The following EPB41L4A variants were observed in gnomAD, a reference collection of about 807,000 sequenced individuals.
EPB41L4A encodes the protein erythrocyte membrane protein band 4.1 like 4A.
Under a neutral mutation model 108.6 loss-of-function variants are expected in EPB41L4A, and 100 were observed. The ratio of observed to expected loss-of-function variants is 0.92; its 90% confidence interval spans 0.78 to 1.09. The LOEUF (loss-of-function observed/expected upper bound fraction) is 1.09. Ranked by LOEUF, EPB41L4A falls within the 50% of genes least tolerant of loss-of-function variation. EPB41L4A has a pLI of 0.00. For synonymous variants in EPB41L4A, 319 were observed against 289.0 expected, an observed-to-expected ratio of 1.10 and a Z score of -1.05; for missense variants, 1,030 against 842.7, an observed-to-expected ratio of 1.22 and a Z score of -2.75.
chr5:112,275,175 T>C (rs1752538863), intron 4 of EPB41L4A, 151 bp downstream of exon 4: 4 of 950,410 alleles, frequency 4.2e-6, no homozygotes, highest in Non-Finnish European at 6.0e-6. Context: ...CTTCATGCAA[T>C]GCTAGTTTAA....
Position 112,209,940 on chromosome 5 carries a change from C to T in EPB41L4A, c.1130G>A (p.Gly377Glu), listed in dbSNP as rs779480069. The change falls in exon 13 of 23, where the codon GGA becomes GAA. Residue 377 changes from glycine to glutamate, a missense_variant. Physicochemically the swap from Gly to Glu is moderately conservative, Grantham distance 98. Transcript: ENST00000261486. ...AATTTTAATTGTTCCTTCATTTTCT[C>T]CATTTTCCATGTTTGCAGTTATCCT... The part of the protein sequence containing the change: ...ISRITANMEN[G>E]ENEGTIKIIA... The T allele has an allele frequency of 1.2e-6, 2 of 1,608,400 alleles. No individual in the cohort carries two copies. The highest frequency in any genetic ancestry group is 1.7e-5 in the Admixed American group (1 of 59,672).
chr5:112,264,693 A>C lies in EPB41L4A; in HGVS notation c.554+203T>G. The C allele has an allele frequency of 2.3e-6, 1 of 425,552 alleles. No individual in the cohort carries two copies. 26.4% of individuals were successfully genotyped at this position (425,552 alleles called of 1,614,324 possible). ...AAAAATGGTAACTTTACATATTGAA[A>C]TTACTTTCTCCTTTACACTTTTTAA... On this transcript the variant is annotated intron_variant, in intron 6 of 22. Transcript: ENST00000261486.
Position 112,170,322 on chromosome 5 carries a change from T to C in EPB41L4A, c.1718A>G (p.Glu573Gly). ...PSGLSEEQLK[E>G]IPYTKIETQG... ...TCACTCTATTTTAGTGTATGGAATC[T>C]CTTTTAATTGTTCTTCGGACAATCC... The change falls in exon 20 of 23, where the codon GAG (glutamate) becomes GGG (glycine). Residue 573 changes from glutamate (E) to glycine (G), a missense_variant. Transcript: ENST00000261486. 6.2e-7 allele frequency: 1 copy of C among 1,613,398 alleles called. No homozygotes were observed. Among genetic ancestry groups the C allele is most frequent in the Non-Finnish European group, 8.5e-7 (1 of 1,179,704 alleles).
chr5:112,351,418 G>A lies in EPB41L4A; in HGVS notation c.100-43928C>T, dbSNP rs557103520. ...GTACAACCCCCCAAGACTGACGTACGAAGAAATAAGAACTTGAACAGACTA... is the reference window on the plus strand; with the variant it reads ...GTACAACCCCCCAAGACTGACGTACAAAGAAATAAGAACTTGAACAGACTA... On this transcript the variant is annotated intron_variant, in intron 1 of 22. Coordinates refer to ENST00000261486, the MANE Select transcript of EPB41L4A (RefSeq NM_022140.5). Among the ~76,000 whole-genome samples the A allele has an allele frequency of 3.9e-5, 6 of 152,236 alleles. No individual in the cohort carries two copies. In the South Asian group the frequency reaches 1.2e-3, roughly 32 times the overall value.
intron 1 of EPB41L4A, among the ~76,000 whole-genome samples, chr5:112,352,201 T>C (rs1311940748): frequency 1.3e-5 from 2 of 152,272 alleles, no homozygotes; most frequent in Non-Finnish European, 2.9e-5. Context: ...TTCTAGTTCC[T>C]TGAAATACAT....
intron 12 of EPB41L4A, among the ~76,000 whole-genome samples, chr5:112,229,531 C>T (rs1276951509): frequency 1.3e-5 from 2 of 151,894 alleles, no homozygotes; most frequent in Non-Finnish European, 2.9e-5. Flanking sequence ...GTACACTGTA[C>T]CCAATGTGTA....
At chr5:112,323,986 C>G (rs142517701) in intron 1 of EPB41L4A, among the ~76,000 whole-genome samples, 1 of 152,182 alleles carries the variant, frequency 6.6e-6, no homozygotes, top group Non-Finnish European at 1.5e-5. Flanking sequence ...AGCAAAAGGC[C>G]TTTTTTCAAC....
rs527477834 is a variant in EPB41L4A, at chr5:112,346,093, C to A, written c.100-38603G>T. Among the ~76,000 whole-genome samples, 3 of 151,950 alleles carry A rather than the reference C, an allele frequency of 2.0e-5. No individual in the cohort carries two copies. In the South Asian group the frequency reaches 6.2e-4, roughly 32 times the overall value. ...GCCACACACTCCACAATTATTTTTG[C>A]TGTTTCCAAGACTGCCATCGTTTTG... On this transcript the variant is annotated intron_variant, in intron 1 of 22. Coordinates refer to ENST00000261486, the MANE Select transcript of EPB41L4A (RefSeq NM_022140.5).
At chr5:112,398,388 T>G (rs1485178709) in intron 1 of EPB41L4A, among the ~76,000 whole-genome samples, 1 of 152,096 alleles carries the variant, frequency 6.6e-6, no homozygotes, top group African/African-American at 2.4e-5. Context: ...TGGGGTTTTT[T>G]TTGTTTGTTT....
At chr5:112,419,653 G>C (rs1184422690), upstream of EPB41L4A, 2 of 456,378 alleles carry the variant, frequency 4.4e-6, no homozygotes, top group Non-Finnish European at 8.8e-6. Context: ...CCCGACCATG[G>C]GCGCAGGGGC....
intron 1 of EPB41L4A, among the ~76,000 whole-genome samples, chr5:112,360,920 G>A (rs1400210092): frequency 1.3e-5 from 2 of 151,804 alleles, no homozygotes; most frequent in African/African-American, 2.4e-5. Flanking sequence ...TCTCTGCCCC[G>A]CCGCCACTCC....
chr5:112,176,794 GC>G (rs1212279972), intron 18 of EPB41L4A, among the ~76,000 whole-genome samples: 1 of 104,902 alleles, frequency 9.5e-6, no homozygotes, highest in Non-Finnish European at 1.7e-5. Context: ...CACTCCTGTT[GC>G]CCAGGCTGAA....
At chr5:112,318,161 T>C (rs980660043) in intron 1 of EPB41L4A, among the ~76,000 whole-genome samples, 4 of 152,196 alleles carry the variant, frequency 2.6e-5, no homozygotes, top group Admixed American at 6.5e-5. Context: ...TGCAGCATCA[T>C]TGCCACTAAC....
At chr5:112,268,501 TC>T (rs1752026235) in intron 4 of EPB41L4A, among the ~76,000 whole-genome samples, 1 of 152,192 alleles carries the variant, frequency 6.6e-6, no homozygotes, top group African/African-American at 2.4e-5. Context: ...TCTTCAAATT[TC>T]TTTTCCTGAA....
chr5:112,415,610 T>G (rs1472131170), intron 1 of EPB41L4A, among the ~76,000 whole-genome samples: 1 of 152,130 alleles, frequency 6.6e-6, no homozygotes, highest in Non-Finnish European at 1.5e-5. Context: ...CAAGTTTTGC[T>G]AAGAGAACAA....
At chr5:112,214,823 C>T (rs1042039607) in intron 12 of EPB41L4A, among the ~76,000 whole-genome samples, 20 of 152,216 alleles carry the variant, frequency 1.3e-4, no homozygotes, top group Admixed American at 1.3e-3. Flanking sequence ...ACTTCACAAT[C>T]ATCTCATTTG....
intron 15 of EPB41L4A, among the ~76,000 whole-genome samples, chr5:112,199,277 A>G (rs1762108738): frequency 6.6e-6 from 1 of 152,198 alleles, no homozygotes; most frequent in African/African-American, 2.4e-5. Context: ...CATCTCTTAC[A>G]AAGGGATTCT....
intron 1 of EPB41L4A, among the ~76,000 whole-genome samples, chr5:112,383,065 C>G (rs1760275689): frequency 1.3e-5 from 2 of 152,160 alleles, no homozygotes; most frequent in Admixed American, 1.3e-4. Flanking sequence ...CAAGGCTCTC[C>G]CCAGAGGATC....
chr5:112,170,086 G>C (rs539583791), intron 20 of EPB41L4A: 4 of 543,642 alleles, frequency 7.4e-6, no homozygotes, highest in Non-Finnish European at 1.3e-5. Context: ...TACCTACCAA[G>C]TACAAAGAGG....
Sources: allele counts gnomAD v4.1 joint callset (sites outside exome capture counted in the v4.1 genomes callset), GRCh38; gene constraint gnomAD v4.1.1; transcripts MANE v1.5; gene names NCBI Gene and HGNC (gene_info 2026-07-23, HGNC 2026-07-21).